SFXN5: variants seen among roughly 807,000 people sequenced by gnomAD.
The protein encoded by SFXN5 is sideroflexin-5.
In SFXN5, 43 loss-of-function variants were observed where a neutral mutation model predicts 50.2. That is an observed-to-expected ratio of 0.86 (90% CI 0.67 to 1.11). The LOEUF is 1.11. Among genes scored for constraint, SFXN5 ranks in the 50% least tolerant of loss-of-function variants. The pLI, the probability that SFXN5 is intolerant of heterozygous loss-of-function variation, is 0.00. For missense variants in SFXN5, 463 were observed against 454.1 expected (o/e 1.02, Z -0.18); for synonymous variants, 203 against 185.8 (o/e 1.09, Z -0.75).
intron 9 of SFXN5, chr2:72,996,796 C>T (rs770678292): frequency 1.3e-5 from 2 of 152,184 alleles, no homozygotes; most frequent in Non-Finnish European, 2.9e-5. Flanking sequence ...ATCCCCTTCA[C>T]TCAGGCCTTT....
intron 12 of SFXN5, 59 bp downstream of exon 12, chr2:72,968,389 C>A (rs756947420): frequency 6.5e-6 from 10 of 1,527,256 alleles, no homozygotes; most frequent in Non-Finnish European, 9.0e-6. Context: ...AGCCGGTTCC[C>A]CCTCCCTCTC....
At chr2:73,071,269 G>T in intron 1 of SFXN5, 1 of 305,588 alleles carries the variant, frequency 3.3e-6, no homozygotes. Context: ...AACCCGGAGC[G>T]ACCCTGAGCA....
At position 72,960,103 on chromosome 2, in the gene SFXN5, C is replaced by A. The variant is rs1673549169; in HGVS notation, c.945+1028G>T. On this transcript the variant is annotated intron_variant, in intron 13 of 13. Coordinates refer to ENST00000272433, the MANE Select transcript of SFXN5 (RefSeq NM_144579.3). This position sits in a 1 kb window ranked among gnomAD's most constrained non-coding sequence, Gnocchi z 6.1. The stretch of plus-strand genomic sequence containing the variant: ...TCTTTGGACCCCGCCAGGGTGGAGG[C>A]CTCACCCACCACCCTCGATTCCAGC... 6.6e-6 allele frequency among the ~76,000 whole-genome samples: 1 copy of A among 151,944 alleles called. No homozygotes were observed. Among genetic ancestry groups the A allele is most frequent in the Non-Finnish European group, 1.5e-5 (1 of 67,970 alleles).
In SFXN5 at chr2:72,968,549, A is replaced by G. The variant is rs1247588084; in HGVS notation, c.742-16T>C. ...CCAGCAGGGCCTGAGGGGCAGGCAG[A>G]AGCTGTGTGAGAGGGGCCTGACAGC... is the stretch of plus-strand genomic sequence containing the variant. On this transcript the variant is annotated splice_polypyrimidine_tract_variant and intron_variant, in intron 11 of 13. Transcript: ENST00000272433. 5 of 1,612,316 alleles carry G rather than the reference A, an allele frequency of 3.1e-6. No individual in the cohort carries two copies. Among genetic ancestry groups the G allele is most frequent in the Non-Finnish European group, 4.2e-6 (5 of 1,179,602 alleles).
intron 2 of SFXN5, among the ~76,000 whole-genome samples, chr2:73,045,015 A>C (rs989590816): frequency 2.0e-5 from 3 of 152,200 alleles, no homozygotes; most frequent in Non-Finnish European, 4.4e-5. Context: ...ACAAAAAGGA[A>C]AGCTGAGGAA....
At chr2:73,006,330 G>A (rs1383803075) in intron 6 of SFXN5, among the ~76,000 whole-genome samples, 1 of 152,156 alleles carries the variant, frequency 6.6e-6, no homozygotes, top group Non-Finnish European at 1.5e-5. Flanking sequence ...AGATCCCTAA[G>A]AATGAATGCT....
intron 12 of SFXN5, among the ~76,000 whole-genome samples, chr2:72,965,165 G>T (rs1286890088): frequency 3.3e-5 from 5 of 152,162 alleles, no homozygotes; most frequent in Non-Finnish European, 7.3e-5. Flanking sequence ...ACAAGCGGCT[G>T]GACAGCAAGA....
chr2:73,069,941 C>T (rs1286936335), intron 1 of SFXN5, among the ~76,000 whole-genome samples: 1 of 152,194 alleles, frequency 6.6e-6, no homozygotes, highest in African/African-American at 2.4e-5. Context: ...TTGCAAAAGG[C>T]CTACAGGGGG....
chr2:72,991,041 AG>A (rs1360818055), intron 9 of SFXN5, among the ~76,000 whole-genome samples: 2 of 152,232 alleles, frequency 1.3e-5, no homozygotes, highest in African/African-American at 4.8e-5. Flanking sequence ...GGCGGGGAAC[AG>A]GAGCCATTCA....
In SFXN5 at chr2:72,988,151, C is replaced by T. The variant is rs1048621086; in HGVS notation, c.625+107G>A. 94 of 960,754 alleles carry T rather than the reference C, an allele frequency of 9.8e-5. No homozygotes were observed. In the African/African-American group the frequency reaches 1.2e-3, roughly 13 times the overall value. 59.5% of individuals were successfully genotyped at this position (960,754 alleles called of 1,614,324 possible). A position where few individuals can be genotyped will look rare whatever the true frequency, so the allele number is the denominator to read the frequency against. ...TTACACCAATTCTCCCAGCTGGGTG[C>T]CCCCTGGGCATCAGGAGAGGTGTGG... On this transcript the variant is annotated intron_variant, in intron 10 of 13. Transcript: ENST00000272433.
At chr2:72,967,092 A>C (rs1180375188) in intron 12 of SFXN5, 1 of 152,162 alleles carries the variant, frequency 6.6e-6, no homozygotes, top group Non-Finnish European at 1.5e-5. Flanking sequence ...CTAGTACATG[A>C]CCGTAAGTGG....
intron 9 of SFXN5, chr2:72,998,696 A>G (rs985242368): frequency 1.5e-5 from 8 of 531,600 alleles, no homozygotes; most frequent in African/African-American, 3.8e-5. Context: ...CTCAAGACAG[A>G]TGTCCTGCCT....
At chr2:73,061,822 G>C (rs1281267421) in intron 1 of SFXN5, among the ~76,000 whole-genome samples, 5 of 151,984 alleles carry the variant, frequency 3.3e-5, no homozygotes, top group African/African-American at 4.8e-5. Context: ...TACATATTTA[G>C]AGTAAAATGC....
At chr2:73,022,473 G>T in intron 5 of SFXN5, 49 bp downstream of exon 5, 1 of 1,432,566 alleles carries the variant, frequency 7.0e-7, no homozygotes, top group Non-Finnish European at 9.9e-7. Flanking sequence ...ACTGTGACTG[G>T]AGTAAGCACC....
At chr2:72,977,119 C>G (rs987561198) in intron 10 of SFXN5, among the ~76,000 whole-genome samples, 1 of 152,190 alleles carries the variant, frequency 6.6e-6, no homozygotes, top group Admixed American at 6.5e-5. Flanking sequence ...CAGGCAGAGC[C>G]TCTTGTCCTC....
chr2:73,059,489 A>G, intron 1 of SFXN5: 1 of 985,364 alleles, frequency 1.0e-6, no homozygotes, highest in South Asian at 4.7e-5. Context: ...CCCCTTATTT[A>G]GTAGGACACC....
intron 6 of SFXN5, among the ~76,000 whole-genome samples, chr2:73,004,954 C>T (rs531557610): frequency 5.9e-5 from 9 of 152,342 alleles, no homozygotes; most frequent in Middle Eastern, 6.8e-3. Flanking sequence ...TGCCCACATT[C>T]CCTCCCGCTG....
chr2:73,026,149 A>C, intron 3 of SFXN5, among the ~76,000 whole-genome samples: 1 of 72,470 alleles, frequency 1.4e-5, no homozygotes, highest in Non-Finnish European at 2.4e-5. Context: ...TTTTTTTGAG[A>C]CAGAGTCTTG....
At chr2:73,011,947 G>A (rs550994051) in intron 6 of SFXN5, among the ~76,000 whole-genome samples, 1 of 152,254 alleles carries the variant, frequency 6.6e-6, no homozygotes, top group Non-Finnish European at 1.5e-5. Context: ...CAGCACAATC[G>A]TTTCTAATAG....
Sources: gnomAD v4.1 joint callset for allele counts (sites outside exome capture counted in the v4.1 genomes callset) on GRCh38, gnomAD v4.1.1 for gene constraint, Gnocchi (gnomAD v3.1) non-coding constraint, MANE v1.5 for transcripts, NCBI Gene and HGNC (gene_info 2026-07-23, HGNC 2026-07-21) for gene names.